LRP2BP: variants seen among roughly 807,000 people sequenced by gnomAD.
LRP2BP encodes LRP2-binding protein.
A neutral mutation model predicts 45.2 loss-of-function variants in LRP2BP; 38 were observed. The ratio of observed to expected loss-of-function variants is 0.84; its 90% confidence interval spans 0.65 to 1.10. The LOEUF (loss-of-function observed/expected upper bound fraction) is 1.10, where lower values mean the gene tolerates loss of function less well. Ranked by LOEUF, LRP2BP falls within the 50% of genes least tolerant of loss-of-function variation. The pLI is 0.00. For synonymous variants in LRP2BP, 153 were observed against 153.9 expected, an observed-to-expected ratio of 0.99 and a Z score of 0.04; for missense variants, 385 against 418.9, an observed-to-expected ratio of 0.92 and a Z score of 0.71.
intron 8 of LRP2BP, among the ~76,000 whole-genome samples, chr4:185,368,884 T>C (rs759211354): frequency 5.3e-5 from 8 of 150,830 alleles, no homozygotes; most frequent in Non-Finnish European, 1.0e-4. Flanking sequence ...GCCTCCTCCT[T>C]GCAGGTTCAA....
Position 185,389,606 on chromosome 4 carries a change from T to G in LRP2BP, c.-22+5173A>C, listed in dbSNP as rs972411169. ...AGTATTCTACATTTTCCAGGCACTT[T>G]AAATGACCTTCACTAAAAAAAAACA... On this transcript the variant is annotated intron_variant, in intron 1 of 8. Transcript: ENST00000505916. 2.2e-4 allele frequency among the ~76,000 whole-genome samples: 13 copies of G among 60,330 alleles called. No homozygotes were observed. In the Admixed American group the frequency reaches 2.9e-3, roughly 14 times the overall value. The allele number at this position is 60,330 out of a possible 152,430, so 39.6% of individuals were successfully genotyped here. A position where few individuals can be genotyped will look rare whatever the true frequency, so the allele number is the denominator to read the frequency against.
chr4:185,395,702 T>C lies in LRP2BP; in HGVS notation c.-945A>G. 1 of 985,452 alleles carries C rather than the reference T, an allele frequency of 1.0e-6. No homozygotes were observed. Among genetic ancestry groups the C allele is most frequent in the Non-Finnish European group, 1.2e-6 (1 of 829,904 alleles). 61.0% of individuals were successfully genotyped at this position (985,452 alleles called of 1,614,324 possible). On this transcript the variant is annotated 5_prime_UTR_variant, in exon 1 of 9. Transcript: ENST00000505916. ...CATAAACTTGCGATTGCAAATTTTA[T>C]GGCTCTTACTACAAAACAAAAAGTA...
intron 1 of LRP2BP, among the ~76,000 whole-genome samples, chr4:185,389,391 T>A (rs1299717549): frequency 6.6e-6 from 1 of 150,920 alleles, no homozygotes; most frequent in East Asian, 2.0e-4. Context: ...TTGTATTTTT[T>A]AATAGAGACG....
At chr4:185,378,940 G>C (rs1027602472) in intron 1 of LRP2BP, 1 of 985,264 alleles carries the variant, frequency 1.0e-6, no homozygotes, top group African/African-American at 1.7e-5. Flanking sequence ...GTCAAGAGAA[G>C]AAATAGAGAG....
intron 1 of LRP2BP, chr4:185,378,521 A>C: frequency 9.4e-7 from 1 of 1,058,944 alleles, no homozygotes; most frequent in Non-Finnish European, 1.1e-6. Context: ...AAGTGTTGCC[A>C]CTTAGTGGGA....
chr4:185,371,886 G>T (rs535692026), intron 7 of LRP2BP, among the ~76,000 whole-genome samples: 3 of 152,008 alleles, frequency 2.0e-5, no homozygotes, highest in Non-Finnish European at 4.4e-5. Flanking sequence ...GCTCGGAGAG[G>T]GGGGAGACCT....
chr4:185,385,918 G>T (rs2095470481), intron 1 of LRP2BP, among the ~76,000 whole-genome samples: 1 of 146,032 alleles, frequency 6.8e-6, no homozygotes, highest in Admixed American at 6.9e-5. Context: ...GGGGGGGGGA[G>T]ATAAAGAAAT....
At position 185,389,545 on chromosome 4, in the gene LRP2BP, A is replaced by C. The variant is rs116485797; in HGVS notation, c.-22+5234T>G. On this transcript the variant is annotated intron_variant, in intron 1 of 8. Transcript: ENST00000505916. ...ATTAAAACAAGTGAATAACAATGTA[A>C]TATATGATGCTAAGTTCTATTCAGA... 3.0e-3 allele frequency among the ~76,000 whole-genome samples: 461 copies of C among 152,280 alleles called. 2 individuals are homozygous for C. The highest frequency in any genetic ancestry group is 5.0e-3 in the Non-Finnish European group (337 of 68,016).
At chr4:185,384,497 T>C (rs913519977) in intron 1 of LRP2BP, among the ~76,000 whole-genome samples, 2 of 152,030 alleles carry the variant, frequency 1.3e-5, no homozygotes, top group Non-Finnish European at 1.5e-5. Flanking sequence ...TAATTACATT[T>C]GCTGATGCTT....
In LRP2BP at chr4:185,367,238, C is replaced by T. The variant is rs535134308; in HGVS notation, c.986G>A (p.Arg329His). 3.8e-5 allele frequency: 61 copies of T among 1,610,000 alleles called. No individual in the cohort carries two copies. The highest frequency in any genetic ancestry group is 1.0e-4 in the Admixed American group (6 of 59,756). Residue 329 changes from arginine to histidine, a missense_variant, in exon 9 of 9, where the codon CGT becomes CAT. Transcript: ENST00000505916. Reference sequence around the variant, plus strand: ...TTCATCTGCCAATGCGGGATTCAGACGACAAGCCTTAAAATCAAAAAGAGT... The same window carrying T: ...TTCATCTGCCAATGCGGGATTCAGATGACAAGCCTTAAAATCAAAAAGAGT... ...TAKHYYSKAC[R>H]LNPALADELH...
At chr4:185,376,749 T>C (rs2095439360) in intron 3 of LRP2BP, among the ~76,000 whole-genome samples, 160 bp downstream of exon 3, 1 of 152,208 alleles carries the variant, frequency 6.6e-6, no homozygotes, top group Non-Finnish European at 1.5e-5. Context: ...CTCCTCAAGC[T>C]GGCAGCACTG....
chr4:185,395,794 CG>C lies in LRP2BP; in HGVS notation c.-1038del, dbSNP rs1198293297. ...TGTTTTCTAACAGCATAACAATAAA[CG>C]TATTTATTTCTCCGAGCTTTCAAAG... On this transcript the variant is annotated 5_prime_UTR_variant, in exon 1 of 9. The change creates a premature stop within an existing upstream ORF in the 5' untranslated region. Coordinates refer to ENST00000505916, the MANE Select transcript of LRP2BP (RefSeq NM_001377440.1). 1.0e-6 allele frequency: 1 copy of C among 985,078 alleles called. No individual in the cohort carries two copies. The highest frequency in any genetic ancestry group is 1.1e-4 in the East Asian group (1 of 8,824). The allele number at this position is 985,078 out of a possible 1,614,324, so 61.0% of individuals were successfully genotyped here. A position where few individuals can be genotyped will look rare whatever the true frequency, so the allele number is the denominator to read the frequency against.
At chr4:185,367,816 A>G (rs1246187699) in intron 8 of LRP2BP, among the ~76,000 whole-genome samples, 4 of 152,108 alleles carry the variant, frequency 2.6e-5, no homozygotes, top group African/African-American at 7.2e-5. Context: ...CACATTCTAC[A>G]TATGTAGAAG....
At position 185,395,741 on chromosome 4, in the gene LRP2BP, A is replaced by C. The variant is rs566523019; in HGVS notation, c.-984T>G. Reference sequence around the variant, plus strand: ...AAACAAAAAGTAGAATGAAAAGACCACTTATCTTTAGAGGACAAGCATGAA... The same window carrying C: ...AAACAAAAAGTAGAATGAAAAGACCCCTTATCTTTAGAGGACAAGCATGAA... On this transcript the variant is annotated 5_prime_UTR_variant, in exon 1 of 9. Transcript: ENST00000505916. 92 of 985,438 alleles carry C rather than the reference A, an allele frequency of 9.3e-5. No individual in the cohort carries two copies. In the African/African-American group the frequency reaches 1.5e-3, roughly 16 times the overall value. The allele number at this position is 985,438 out of a possible 1,614,324, so 61.0% of individuals were successfully genotyped here.
chr4:185,392,443 T>C (rs2095490622), intron 1 of LRP2BP, among the ~76,000 whole-genome samples: 2 of 152,214 alleles, frequency 1.3e-5, no homozygotes, highest in Non-Finnish European at 2.9e-5. Flanking sequence ...GTTTGAGTTA[T>C]CAAGGCTGGA....
intron 1 of LRP2BP, chr4:185,379,099 A>G (rs1428001843): frequency 2.1e-6 from 1 of 478,582 alleles, no homozygotes; most frequent in Non-Finnish European, 2.7e-6. Flanking sequence ...ATTTTGGAAG[A>G]GTCATTTAAT....
chr4:185,369,887 AT>A lies in LRP2BP; in HGVS notation c.978+752del, dbSNP rs2095409229. The A allele has an allele frequency of 5.3e-5, 19 of 355,234 alleles. 2 individuals carry two copies. The highest frequency in any genetic ancestry group is 4.2e-4 in the South Asian group (18 of 43,324). The allele number at this position is 355,234 out of a possible 1,614,324, so 22.0% of individuals were successfully genotyped here. A position where few individuals can be genotyped will look rare whatever the true frequency, so the allele number is the denominator to read the frequency against. On this transcript the variant is annotated intron_variant, in intron 8 of 8. Transcript: ENST00000505916. Reference sequence around the variant, plus strand: ...GAAGCTTGGGAACCACTGCTGTAATATCAGAGTCAGCCAAGGGACTCAGAAG... The same window carrying A: ...GAAGCTTGGGAACCACTGCTGTAATACAGAGTCAGCCAAGGGACTCAGAAG...
intron 1 of LRP2BP, chr4:185,379,107 A>T: frequency 2.4e-6 from 1 of 420,594 alleles, no homozygotes; most frequent in Non-Finnish European, 3.2e-6. Context: ...AGAGTCATTT[A>T]ATCTTTTTAA....
chr4:185,393,566 C>T (rs1389605590), intron 1 of LRP2BP, among the ~76,000 whole-genome samples: 1 of 151,714 alleles, frequency 6.6e-6, no homozygotes, highest in Non-Finnish European at 1.5e-5. Flanking sequence ...GCTCTTGTCA[C>T]CCAGGCTGGA....
Sources: gnomAD v4.1 joint callset for allele counts (sites outside exome capture counted in the v4.1 genomes callset) on GRCh38, gnomAD v4.1.1 for gene constraint, MANE v1.5 for transcripts, NCBI Gene and HGNC (gene_info 2026-07-23, HGNC 2026-07-21) for gene names.